ABCD2: variants seen among roughly 807,000 people sequenced by gnomAD.
ABCD2 encodes the protein ATP binding cassette subfamily D member 2, also known as ATP-binding cassette sub-family D member 2.
In ABCD2, 36 loss-of-function variants were observed where a neutral mutation model predicts 70.9. The ratio of observed to expected loss-of-function variants is 0.51; its 90% CI spans 0.39 to 0.67. ABCD2 has a LOEUF of 0.67. ABCD2 is among the 30% of genes least tolerant of loss of function. The pLI is 0.00. For synonymous variants in ABCD2, 304 were observed against 306.9 expected (o/e 0.99, Z 0.10); for missense variants, 729 against 890.2 (o/e 0.82, Z 2.30).
chr12:39,599,739 T>C (rs1941870702), intron 6 of ABCD2, among the ~76,000 whole-genome samples: 2 of 152,200 alleles, frequency 1.3e-5, no homozygotes, highest in Non-Finnish European at 2.9e-5. Context: ...AAGGGACATA[T>C]GAGAGCACTA....
chr12:39,602,796 T>G (rs1941918194), intron 5 of ABCD2, among the ~76,000 whole-genome samples: 2 of 152,188 alleles, frequency 1.3e-5, no homozygotes, highest in African/African-American at 4.8e-5. Flanking sequence ...GCTCAAGCCA[T>G]GTACACTATT....
At chr12:39,568,798 G>C (rs1164798783) in intron 9 of ABCD2, among the ~76,000 whole-genome samples, 1 of 152,070 alleles carries the variant, frequency 6.6e-6, no homozygotes, top group Non-Finnish European at 1.5e-5. Flanking sequence ...TTTACAGATG[G>C]GGTTTTGGTG....
chr12:39,536,085 G>A, the ABCD2 span, among the ~76,000 whole-genome samples: 6 of 152,050 alleles, frequency 3.9e-5, no homozygotes, highest in Non-Finnish European at 7.4e-5. Context: ...GTGAGACTCC[G>A]TCTCAAAAAT....
the ABCD2 span, among the ~76,000 whole-genome samples, chr12:39,539,030 C>G: frequency 2.0e-5 from 3 of 152,300 alleles, no homozygotes; most frequent in Admixed American, 6.5e-5. Flanking sequence ...TTGCTCCACA[C>G]CACCTCGTGT....
At chr12:39,580,178 C>G (rs2120616692) in intron 7 of ABCD2, among the ~76,000 whole-genome samples, 1 of 152,274 alleles carries the variant, frequency 6.6e-6, no homozygotes, top group South Asian at 2.1e-4. Context: ...TAGGTTCGAG[C>G]TATTTACCCT....
At chr12:39,571,406 G>T (rs184881549) in intron 9 of ABCD2, among the ~76,000 whole-genome samples, 9 of 152,144 alleles carry the variant, frequency 5.9e-5, no homozygotes, top group African/African-American at 1.7e-4. Flanking sequence ...ATAAAATCCC[G>T]CCACTTACAA....
At chr12:39,598,907 A>G (rs1941857774) in intron 6 of ABCD2, among the ~76,000 whole-genome samples, 1 of 152,192 alleles carries the variant, frequency 6.6e-6, no homozygotes, top group South Asian at 2.1e-4. Context: ...TGGTTTTTGC[A>G]AGGATAATGG....
intron 9 of ABCD2, among the ~76,000 whole-genome samples, chr12:39,566,409 G>C (rs1030227911): frequency 1.3e-5 from 2 of 152,082 alleles, no homozygotes; most frequent in Non-Finnish European, 2.9e-5. Context: ...TTTCTAGTTT[G>C]TTTGCATAGA....
At chr12:39,582,584 T>G (rs1421695274) in intron 7 of ABCD2, among the ~76,000 whole-genome samples, 1 of 152,170 alleles carries the variant, frequency 6.6e-6, no homozygotes, top group Non-Finnish European at 1.5e-5. Context: ...TCAAAATAAC[T>G]TGCCCAAGAT....
intron 9 of ABCD2, among the ~76,000 whole-genome samples, chr12:39,567,744 C>T (rs1941378297): frequency 6.6e-6 from 1 of 152,104 alleles, no homozygotes; most frequent in Non-Finnish European, 1.5e-5. Context: ...AATTAGGCAT[C>T]CTTTTGCAGT....
intron 8 of ABCD2, 140 bp from the exon 9 acceptor site, chr12:39,573,981 G>A: frequency 2.7e-6 from 2 of 733,756 alleles, no homozygotes; most frequent in African/African-American, 1.8e-5. Context: ...AAATGATAAA[G>A]CAAAAAAGTA....
At chr12:39,597,159 G>C (rs1941827851) in intron 6 of ABCD2, among the ~76,000 whole-genome samples, 1 of 152,036 alleles carries the variant, frequency 6.6e-6, no homozygotes, top group Admixed American at 6.6e-5. Flanking sequence ...AAGAAAGCAA[G>C]ATTTTACTCT....
At chr12:39,596,508 G>A (rs1941817802) in intron 6 of ABCD2, among the ~76,000 whole-genome samples, 1 of 151,782 alleles carries the variant, frequency 6.6e-6, no homozygotes. Flanking sequence ...TTTAAAAAAA[G>A]TATTTGATCA....
intron 6 of ABCD2, among the ~76,000 whole-genome samples, chr12:39,592,586 C>A (rs777075466): frequency 9.9e-5 from 15 of 152,180 alleles, no homozygotes; most frequent in Non-Finnish European, 1.6e-4. Flanking sequence ...ACCCCTACTC[C>A]CAAAGCCATA....
chr12:39,592,135 C>A (rs966779172), intron 6 of ABCD2, among the ~76,000 whole-genome samples: 5 of 152,198 alleles, frequency 3.3e-5, no homozygotes, highest in Non-Finnish European at 7.3e-5. Flanking sequence ...TGTCAACTGA[C>A]TGCCCAAAGG....
downstream of ABCD2, among the ~76,000 whole-genome samples, chr12:39,545,396 G>C (rs1047264821): frequency 1.3e-5 from 2 of 152,050 alleles, no homozygotes; most frequent in African/African-American, 4.8e-5. Context: ...GGGTTCAAGC[G>C]ATTCTCCCGC....
intron 6 of ABCD2, among the ~76,000 whole-genome samples, chr12:39,592,502 T>G (rs1022270667): frequency 6.6e-6 from 1 of 152,224 alleles, no homozygotes; most frequent in South Asian, 2.1e-4. Flanking sequence ...GACATGTGGT[T>G]GCCTTTTCTA....
At chr12:39,541,274 T>G in the ABCD2 span, among the ~76,000 whole-genome samples, 1 of 152,272 alleles carries the variant, frequency 6.6e-6, no homozygotes, top group East Asian at 1.9e-4. Flanking sequence ...AAGAAGACAG[T>G]GCTGTTATGA....
chr12:39,556,248 T>A (rs1469618676), intron 9 of ABCD2, among the ~76,000 whole-genome samples: 1 of 152,096 alleles, frequency 6.6e-6, no homozygotes, highest in Non-Finnish European at 1.5e-5. Flanking sequence ...GACAAAAAAA[T>A]TAAAATAGTT....
Sources: allele counts gnomAD v4.1 joint callset (sites outside exome capture counted in the v4.1 genomes callset), GRCh38; gene constraint gnomAD v4.1.1; transcripts MANE v1.5; gene names NCBI Gene and HGNC (gene_info 2026-07-23, HGNC 2026-07-21).